Variants in SREK1IP1 observed in about 807,000 individuals in gnomAD.
SREK1IP1 encodes the protein SREK1 interacting protein 1.
SREK1IP1 carries 12 observed loss-of-function variants against 22.8 expected under a neutral mutation model. The observed-to-expected ratio is 0.53, with a 90% CI of 0.34 to 0.85. The LOEUF (loss-of-function observed/expected upper bound fraction) is 0.85. Among genes scored for constraint, SREK1IP1 ranks in the 40% least tolerant of loss-of-function variants. The pLI is 0.02. For missense variants in SREK1IP1, 147 were observed against 171.8 expected (o/e 0.86, Z 0.81); for synonymous variants, 53 against 52.7 (o/e 1.01, Z -0.02).
intron 4 of SREK1IP1, chr5:64,727,553 A>ATATATGTATTTTTTTTTTTT: frequency 1.2e-5 from 1 of 84,716 alleles, no homozygotes; most frequent in African/African-American, 5.5e-5. Flanking sequence ...ATATATATAT[A>ATATATGTATTTTTTTTTTTT]TTTTTTTTTT....
chr5:64,754,432 A>G, intron 1 of SREK1IP1, 70 bp from the exon 2 acceptor site: 3 of 1,463,284 alleles, frequency 2.1e-6, no homozygotes, highest in Non-Finnish European at 2.8e-6. Flanking sequence ...TTATTGTATG[A>G]AAAAAGCTAA....
At chr5:64,742,292 A>C (rs1280308903) in intron 2 of SREK1IP1, among the ~76,000 whole-genome samples, 1 of 152,154 alleles carries the variant, frequency 6.6e-6, no homozygotes, top group East Asian at 1.9e-4. Flanking sequence ...GCAGTTGTAC[A>C]TGTCTCTTTG....
chr5:64,750,065 A>C (rs1430064066), intron 2 of SREK1IP1, among the ~76,000 whole-genome samples: 1 of 151,796 alleles, frequency 6.6e-6, no homozygotes, highest in Non-Finnish European at 1.5e-5. Flanking sequence ...TGTGGCTCAT[A>C]CTCTAACTCT....
At chr5:64,749,813 C>T (rs967184842) in intron 2 of SREK1IP1, among the ~76,000 whole-genome samples, 6 of 152,130 alleles carry the variant, frequency 3.9e-5, no homozygotes, top group Non-Finnish European at 8.8e-5. Context: ...TTGCCCCTTT[C>T]CTAGTCTTTT....
Position 64,725,071 on chromosome 5 carries a change from T to C in SREK1IP1, c.279-498A>G, listed in dbSNP as rs372493850. 1.3e-5 allele frequency among the ~76,000 whole-genome samples: 2 copies of C among 152,206 alleles called. 1 individual carries two copies. The highest frequency in any genetic ancestry group is 3.8e-4 in the East Asian group (2 of 5,202). On this transcript the variant is annotated intron_variant, in intron 4 of 4. Coordinates refer to ENST00000513458, the MANE Select transcript of SREK1IP1 (RefSeq NM_173829.4). The stretch of plus-strand genomic sequence containing the variant: ...ATAAAAGCACTTTTGGTAATTCTTC[T>C]GATTTTTCAAGTACTTGATCCCTCT...
chr5:64,765,869 G>A (rs929761858), intron 1 of SREK1IP1, among the ~76,000 whole-genome samples: 1 of 152,174 alleles, frequency 6.6e-6, no homozygotes, highest in African/African-American at 2.4e-5. Context: ...GTCCTCCAGT[G>A]TGCCCATATC....
At chr5:64,748,344 A>T (rs893161845) in intron 2 of SREK1IP1, among the ~76,000 whole-genome samples, 1 of 152,188 alleles carries the variant, frequency 6.6e-6, no homozygotes, top group Non-Finnish European at 1.5e-5. Context: ...GGGAGTGGAG[A>T]GTTACTGGTT....
chr5:64,739,467 T>G (rs1016309759), intron 3 of SREK1IP1, among the ~76,000 whole-genome samples: 2 of 152,118 alleles, frequency 1.3e-5, no homozygotes, highest in African/African-American at 4.8e-5. Flanking sequence ...AGCCTTATAT[T>G]CAGCCAGAGG....
At chr5:64,751,055 CTT>C (rs1269474628) in intron 2 of SREK1IP1, among the ~76,000 whole-genome samples, 1 of 152,190 alleles carries the variant, frequency 6.6e-6, no homozygotes, top group Non-Finnish European at 1.5e-5. Context: ...AATCTACACA[CTT>C]TGTTTCATGA....
At chr5:64,736,439 G>GT (rs1742463588) in intron 3 of SREK1IP1, among the ~76,000 whole-genome samples, 1 of 151,500 alleles carries the variant, frequency 6.6e-6, no homozygotes, top group Non-Finnish European at 1.5e-5. Context: ...TCAGATATTT[G>GT]TTAGTAGGTG....
intron 3 of SREK1IP1, 51 bp downstream of exon 3, chr5:64,741,006 T>A (rs773732428): frequency 6.6e-7 from 1 of 1,514,390 alleles, no homozygotes; most frequent in African/African-American, 1.4e-5. Flanking sequence ...TGATATAATA[T>A]GACAGAACAT....
intron 1 of SREK1IP1, among the ~76,000 whole-genome samples, chr5:64,758,844 T>C (rs1206117349): frequency 6.6e-6 from 1 of 152,220 alleles, no homozygotes; most frequent in East Asian, 1.9e-4. Context: ...AACTTTTACA[T>C]GACAGGGAAA....
At chr5:64,751,587 C>T (rs1742740970) in intron 2 of SREK1IP1, among the ~76,000 whole-genome samples, 1 of 152,204 alleles carries the variant, frequency 6.6e-6, no homozygotes, top group African/African-American at 2.4e-5. Context: ...CTGTCCAGGA[C>T]TGTCCTACCA....
chr5:64,756,670 T>C (rs1203839052), intron 1 of SREK1IP1, among the ~76,000 whole-genome samples: 2 of 151,978 alleles, frequency 1.3e-5, no homozygotes, highest in Non-Finnish European at 2.9e-5. Flanking sequence ...CTGTCACCCA[T>C]GCTGGAGTGC....
rs1221854514 is a variant in SREK1IP1, at chr5:64,722,657, C to G, written c.*1727G>C. The G allele has an allele frequency of 1.3e-5, 2 of 152,144 alleles. No individual in the cohort carries two copies. The highest frequency in any genetic ancestry group is 2.9e-5 in the Non-Finnish European group (2 of 68,008). The allele number at this position is 152,144 out of a possible 1,614,324, so 9.4% of individuals were successfully genotyped here. A position where few individuals can be genotyped will look rare whatever the true frequency, so the allele number is the denominator to read the frequency against. ...AAACAAATCCCTAAAAACCTACTGG[C>G]TCTGTATTTTTTCTCCCAGTAACTG... is the stretch of plus-strand genomic sequence containing the variant. On this transcript the variant is annotated 3_prime_UTR_variant, in exon 5 of 5. Transcript: ENST00000513458.
At chr5:64,768,459 GCTCCCTTC>G in intron 1 of SREK1IP1, 38 bp downstream of exon 1, 12 of 1,613,766 alleles carry the variant, frequency 7.4e-6, no homozygotes, top group Non-Finnish European at 1.0e-5. Context: ...CCTCCCTTGC[GCTCCCTTC>G]GGAGCTCGGA....
At chr5:64,731,691 A>G (rs1214417967) in intron 3 of SREK1IP1, among the ~76,000 whole-genome samples, 1 of 152,184 alleles carries the variant, frequency 6.6e-6, no homozygotes, top group Non-Finnish European at 1.5e-5. Flanking sequence ...AACATATAAA[A>G]AATGTGAGTT....
intron 2 of SREK1IP1, among the ~76,000 whole-genome samples, chr5:64,742,025 G>A (rs191306062): frequency 2.7e-3 from 404 of 150,212 alleles, no homozygotes; most frequent in African/African-American, 9.2e-3. Flanking sequence ...CTGCACTGAA[G>A]TTGGTCTCTA....
chr5:64,735,295 T>C (rs889652949), intron 3 of SREK1IP1, among the ~76,000 whole-genome samples: 1 of 152,112 alleles, frequency 6.6e-6, no homozygotes, highest in Non-Finnish European at 1.5e-5. Flanking sequence ...GCTAAAATTC[T>C]CTTAAGAATT....
Sources: allele counts gnomAD v4.1 joint callset (sites outside exome capture counted in the v4.1 genomes callset), GRCh38; gene constraint gnomAD v4.1.1; transcripts MANE v1.5; gene names NCBI Gene and HGNC (gene_info 2026-07-23, HGNC 2026-07-21).